The following COL4A2 variants were observed in gnomAD, a reference collection of about 807,000 sequenced individuals.
COL4A2 encodes the protein collagen alpha-2(IV) chain.
Under a neutral mutation model 200.2 loss-of-function variants are expected in COL4A2, and 99 were observed. That is an observed-to-expected ratio of 0.49 (90% CI 0.42 to 0.58). COL4A2 has a LOEUF of 0.58. Among genes scored for constraint, COL4A2 ranks in the 20% least tolerant of loss-of-function variants. The pLI is 0.00. For missense variants in COL4A2, 1,950 were observed against 2,314.1 expected (o/e 0.84, Z 3.23); for synonymous variants, 897 against 900.6 (o/e 1.00, Z 0.07).
At chr13:110,370,100 T>C (rs1877937290) in intron 4 of COL4A2, among the ~76,000 whole-genome samples, 1 of 152,030 alleles carries the variant, frequency 6.6e-6, no homozygotes. Flanking sequence ...TTTCCCCCTG[T>C]ATTTGGAAGC....
At chr13:110,372,306 AAAT>A (rs1041705292) in intron 4 of COL4A2, among the ~76,000 whole-genome samples, 9 of 152,294 alleles carry the variant, frequency 5.9e-5, no homozygotes, top group African/African-American at 2.2e-4. Context: ...TTGTTTAAGA[AAAT>A]AATAATGTTT....
At chr13:110,375,736 A>G (rs748319893) in intron 4 of COL4A2, among the ~76,000 whole-genome samples, 246 of 152,188 alleles carry the variant, frequency 1.6e-3, no homozygotes, top group Non-Finnish European at 2.7e-3. Context: ...AGCTGAAGGC[A>G]GGAGAATCAC....
chr13:110,467,573 C>G (rs530659344), intron 27 of COL4A2, among the ~76,000 whole-genome samples: 1 of 152,256 alleles, frequency 6.6e-6, no homozygotes, highest in East Asian at 1.9e-4. Flanking sequence ...TCTGCTGGCC[C>G]AGGCCATCTC....
intron 41 of COL4A2, 148 bp from the exon 42 acceptor site, chr13:110,502,973 C>A: frequency 1.3e-6 from 1 of 748,628 alleles, no homozygotes; most frequent in Non-Finnish European, 2.3e-6. Flanking sequence ...ACGTATTTTA[C>A]GACAATTTTT....
chr13:110,448,549 T>C (rs1025629556), intron 18 of COL4A2, among the ~76,000 whole-genome samples: 5 of 152,330 alleles, frequency 3.3e-5, no homozygotes, highest in Admixed American at 6.5e-5. Context: ...AGGCAGTAAA[T>C]GTATCTTTTT....
chr13:110,477,547 C>A (rs558549630), intron 29 of COL4A2, among the ~76,000 whole-genome samples: 8 of 152,314 alleles, frequency 5.3e-5, no homozygotes, highest in South Asian at 4.1e-4. Context: ...AACTCCCCAA[C>A]TATTCCTGAC....
At chr13:110,432,807 A>G (rs1344896144) in intron 11 of COL4A2, among the ~76,000 whole-genome samples, 1 of 152,232 alleles carries the variant, frequency 6.6e-6, no homozygotes, top group Non-Finnish European at 1.5e-5. Context: ...CTCTAGGGAT[A>G]TATTCAGTGA....
At chr13:110,429,781 G>A in intron 7 of COL4A2, 104 bp from the exon 8 acceptor site, 2 of 1,099,548 alleles carry the variant, frequency 1.8e-6, no homozygotes, top group South Asian at 2.7e-5. Context: ...ATTAGACCTT[G>A]CCCACAAAAG....
Position 110,338,251 on chromosome 13 carries a change from G to A in COL4A2, c.100-19221G>A, listed in dbSNP as rs546156668. Among the ~76,000 whole-genome samples the A allele has an allele frequency of 2.6e-5, 4 of 152,214 alleles. No homozygotes were observed. In the South Asian group the frequency reaches 8.3e-4, roughly 31 times the overall value. ...GGGAATAGTCTGTTAAGGCTGAGCAGTTACTGCATATGAAGGCTCCAATGG... is the reference window on the plus strand; with the variant it reads ...GGGAATAGTCTGTTAAGGCTGAGCAATTACTGCATATGAAGGCTCCAATGG... On this transcript the variant is annotated intron_variant, in intron 3 of 47. Transcript: ENST00000360467.
intron 3 of COL4A2, among the ~76,000 whole-genome samples, chr13:110,315,650 C>T (rs1281389087): frequency 1.3e-5 from 2 of 152,208 alleles, no homozygotes; most frequent in African/African-American, 2.4e-5. Context: ...CCTACCTCAG[C>T]CTCCCAAAGT....
intron 24 of COL4A2, among the ~76,000 whole-genome samples, chr13:110,463,941 G>A (rs1435271655): frequency 2.6e-5 from 4 of 152,192 alleles, no homozygotes; most frequent in African/African-American, 9.7e-5. Context: ...GGTTAAATAA[G>A]AGGCAAAGTC....
At chr13:110,326,151 G>A (rs1242282762) in intron 3 of COL4A2, among the ~76,000 whole-genome samples, 1 of 152,150 alleles carries the variant, frequency 6.6e-6, no homozygotes, top group East Asian at 1.9e-4. Flanking sequence ...CAGGGGTGAG[G>A]AGCTTCCACC....
intron 45 of COL4A2, among the ~76,000 whole-genome samples, chr13:110,506,086 C>G (rs770152435): frequency 2.0e-5 from 3 of 152,204 alleles, no homozygotes; most frequent in Non-Finnish European, 4.4e-5. Flanking sequence ...AACTGCCCTG[C>G]ACTCCTGGGT....
intron 30 of COL4A2, among the ~76,000 whole-genome samples, chr13:110,479,668 G>T (rs1882826531): frequency 6.6e-6 from 1 of 152,182 alleles, no homozygotes; most frequent in Admixed American, 6.5e-5. Flanking sequence ...GGATTTTAGG[G>T]ACCCAGCAGG....
chr13:110,398,079 C>G (rs1879242897), intron 4 of COL4A2, among the ~76,000 whole-genome samples: 1 of 146,664 alleles, frequency 6.8e-6, no homozygotes, highest in Non-Finnish European at 1.5e-5. Context: ...ACTCAAAAAT[C>G]TAAATCAAAA....
At chr13:110,425,235 C>G (rs1217825943) in intron 6 of COL4A2, among the ~76,000 whole-genome samples, 2 of 152,186 alleles carry the variant, frequency 1.3e-5, no homozygotes, top group Non-Finnish European at 2.9e-5. Flanking sequence ...CTAAACTGCA[C>G]ATTGTTTGGT....
intron 3 of COL4A2, among the ~76,000 whole-genome samples, chr13:110,352,998 A>C (rs1877030167): frequency 6.6e-6 from 1 of 152,156 alleles, no homozygotes; most frequent in Admixed American, 6.5e-5. Flanking sequence ...AGCCAGGCAC[A>C]CCTGCAGGGG....
At chr13:110,372,643 A>G (rs977511423) in intron 4 of COL4A2, among the ~76,000 whole-genome samples, 7 of 152,228 alleles carry the variant, frequency 4.6e-5, no homozygotes, top group Non-Finnish European at 1.0e-4. Flanking sequence ...GATAACCTGA[A>G]AAGACAGAAA....
At chr13:110,456,009 G>T (rs1187144746) in intron 20 of COL4A2, among the ~76,000 whole-genome samples, 1 of 152,200 alleles carries the variant, frequency 6.6e-6, no homozygotes, top group Non-Finnish European at 1.5e-5. Flanking sequence ...TGCAGAGCCT[G>T]CCCCCAGCAG....
Sources: allele counts gnomAD v4.1 joint callset (sites outside exome capture counted in the v4.1 genomes callset), GRCh38; gene constraint gnomAD v4.1.1; transcripts MANE v1.5; gene names NCBI Gene and HGNC (gene_info 2026-07-23, HGNC 2026-07-21).